Variants in MICAL3 observed in about 807,000 individuals in gnomAD.
MICAL3 encodes [F-actin]-monooxygenase MICAL3.
MICAL3 carries 62 observed loss-of-function variants against 207.4 expected under a neutral mutation model. The observed-to-expected ratio is 0.30, with a 90% CI of 0.24 to 0.37. MICAL3 has a LOEUF of 0.37. Among genes scored for constraint, MICAL3 ranks in the 10% least tolerant of loss-of-function variants. The pLI is 1.00. For missense variants in MICAL3, 2,368 were observed against 2,635.6 expected (o/e 0.90, Z 2.22); for synonymous variants, 1,077 against 1,069.3 (o/e 1.01, Z -0.14).
At chr22:17,870,240 C>T (rs1927574480) in intron 17 of MICAL3, among the ~76,000 whole-genome samples, 1 of 152,182 alleles carries the variant, frequency 6.6e-6, no homozygotes, top group Non-Finnish European at 1.5e-5. Context: ...CAGGTGCGCA[C>T]CTCTGCCCTC....
intron 16 of MICAL3, among the ~76,000 whole-genome samples, chr22:17,883,764 C>T (rs1284874110): frequency 1.3e-5 from 2 of 152,156 alleles, no homozygotes; most frequent in Admixed American, 1.3e-4. Context: ...GTAGAGAAAA[C>T]ACCAAGAAAA....
At chr22:17,833,701 G>A (rs1923055062) in intron 20 of MICAL3, among the ~76,000 whole-genome samples, 1 of 152,164 alleles carries the variant, frequency 6.6e-6, no homozygotes, top group African/African-American at 2.4e-5. Flanking sequence ...ATGTGATTAG[G>A]GTGAGGCTTT....
intron 16 of MICAL3, chr22:17,875,572 G>T: frequency 1.4e-6 from 2 of 1,476,888 alleles, no homozygotes; most frequent in Non-Finnish European, 1.8e-6. Context: ...ATACAAGATG[G>T]AGAAAAACAA....
intron 20 of MICAL3, among the ~76,000 whole-genome samples, chr22:17,837,138 C>A (rs568675999): frequency 6.6e-6 from 1 of 152,208 alleles, no homozygotes; most frequent in African/African-American, 2.4e-5. Flanking sequence ...AGGCTTTACA[C>A]GGTGGAAATG....
intron 1 of MICAL3, among the ~76,000 whole-genome samples, chr22:17,949,045 G>A (rs918753444): frequency 2.7e-5 from 4 of 149,420 alleles, no homozygotes; most frequent in African/African-American, 7.4e-5. Context: ...CCCCATCTCT[G>A]CTAAAAATAC....
rs2146033868 is a variant in MICAL3, at chr22:17,827,696, C to G, written c.3141G>C (p.Glu1047Asp). 6.3e-7 allele frequency: 1 copy of G among 1,582,874 alleles called. No individual in the cohort carries two copies. Among genetic ancestry groups the G allele is most frequent in the Middle Eastern group, 1.7e-4 (1 of 6,022 alleles). The change falls in exon 22 of 32, where the codon GAG (glutamate) becomes GAC (aspartate). Residue 1047 changes from glutamate to aspartate, a missense_variant. Coordinates refer to ENST00000441493, the MANE Select transcript of MICAL3 (RefSeq NM_015241.3). Reference sequence around the variant, plus strand: ...GCGCCATCCTCTCTTCCTCCTCTCTCTCACGGATATGAGTCCAGTGCACGT... The same window carrying G: ...GCGCCATCCTCTCTTCCTCCTCTCTGTCACGGATATGAGTCCAGTGCACGT... ...QADVHWTHIR[E>D]REEEERMAPA...
At chr22:18,022,554 G>C (rs143232530) in intron 1 of MICAL3, among the ~76,000 whole-genome samples, 1 of 151,616 alleles carries the variant, frequency 6.6e-6, no homozygotes, top group Admixed American at 6.6e-5. Context: ...TCAGCCTCCC[G>C]AGTAGCTGGG....
chr22:17,933,672 C>A (rs180769582), intron 1 of MICAL3, among the ~76,000 whole-genome samples: 42 of 152,180 alleles, frequency 2.8e-4, no homozygotes, highest in Middle Eastern at 6.8e-3. Flanking sequence ...TCAAAAAAAT[C>A]AATGAATCCA....
rs901504440 is a variant in MICAL3 at position 17,826,741 on chromosome 22, G to A, written c.3193+903C>T. On this transcript the variant is annotated intron_variant, in intron 22 of 31. Coordinates refer to ENST00000441493, the MANE Select transcript of MICAL3 (RefSeq NM_015241.3). ...GAAAACCCAAGGTAGGGCCACCGCCGGCCCAGGGCTGCAGAGCGCTCCCCA... is the reference window on the plus strand; with the variant it reads ...GAAAACCCAAGGTAGGGCCACCGCCAGCCCAGGGCTGCAGAGCGCTCCCCA... Among the ~76,000 whole-genome samples the A allele has an allele frequency of 1.3e-4, 20 of 152,306 alleles. No homozygotes were observed. In the East Asian group the frequency reaches 2.5e-3, roughly 19 times the overall value.
At chr22:17,913,895 C>T (rs148850685) in intron 1 of MICAL3, among the ~76,000 whole-genome samples, 63 of 152,250 alleles carry the variant, frequency 4.1e-4, no homozygotes, top group Middle Eastern at 3.4e-3. Context: ...CTGATGATGA[C>T]GTCAACTCAC....
chr22:17,953,554 G>A (rs2146364603), intron 1 of MICAL3, among the ~76,000 whole-genome samples: 1 of 152,234 alleles, frequency 6.6e-6, no homozygotes, highest in East Asian at 1.9e-4. Context: ...TCTGGGACAT[G>A]GGGGCTATAG....
At chr22:17,884,224 T>G (rs1602142458) in intron 16 of MICAL3, 1 of 1,315,774 alleles carries the variant, frequency 7.6e-7, no homozygotes, top group Non-Finnish European at 1.1e-6. Flanking sequence ...GGAGGAGGGG[T>G]AGGAAGGCCT....
chr22:17,803,643 G>GC (rs2061961808), intron 29 of MICAL3: 1 of 164,738 alleles, frequency 6.1e-6, no homozygotes, highest in Admixed American at 6.5e-5. Flanking sequence ...CATGTGGGCA[G>GC]CGGGGAGATC....
Position 17,826,428 on chromosome 22 carries a change from GGA to G in MICAL3, c.3193+1214_3193+1215del, listed in dbSNP as rs913668172. The stretch of plus-strand genomic sequence containing the variant: ...CCTAGAGAGAGGTTACGGTGAGTGG[GGA>G]GAGAGTGAACATCACCAGACTACCT... On this transcript the variant is annotated intron_variant, in intron 22 of 31. Coordinates refer to ENST00000441493, the MANE Select transcript of MICAL3 (RefSeq NM_015241.3). 3.0e-6 allele frequency: 3 copies of G among 983,638 alleles called. No individual in the cohort carries two copies. The South Asian group carries it at 1.4e-4, about 46-fold the overall frequency. The allele number at this position is 983,638 out of a possible 1,614,324, so 60.9% of individuals were successfully genotyped here. A position where few individuals can be genotyped will look rare whatever the true frequency, so the allele number is the denominator to read the frequency against.
Position 17,932,186 on chromosome 22 carries a change from C to T in MICAL3, c.-74-25300G>A, listed in dbSNP as rs549636543. Among the ~76,000 whole-genome samples, 11 of 152,188 alleles carry T rather than the reference C, an allele frequency of 7.2e-5. No individual in the cohort carries two copies. The East Asian group carries it at 2.1e-3, about 29-fold the overall frequency. On this transcript the variant is annotated intron_variant, in intron 1 of 31. Coordinates refer to ENST00000441493, the MANE Select transcript of MICAL3 (RefSeq NM_015241.3). ...CAAGACACATAATTGGCAGATTCAC[C>T]AAGGTTGAAATGAAGGAAAAAGTGT...
intron 17 of MICAL3, among the ~76,000 whole-genome samples, chr22:17,870,236 C>T (rs1465048033): frequency 1.3e-5 from 2 of 152,150 alleles, no homozygotes; most frequent in Non-Finnish European, 2.9e-5. Context: ...CCACCAGGTG[C>T]GCACCTCTGC....
chr22:17,906,945 A>C (rs1931766198), intron 1 of MICAL3, 59 bp from the exon 2 acceptor site: 12 of 896,854 alleles, frequency 1.3e-5, no homozygotes, highest in Non-Finnish European at 1.9e-5. Context: ...ATTCTCCAGG[A>C]GACATATTCC....
chr22:17,865,623 CCT>C (rs1308701753), intron 18 of MICAL3, among the ~76,000 whole-genome samples: 1 of 152,204 alleles, frequency 6.6e-6, no homozygotes, highest in African/African-American at 2.4e-5. Flanking sequence ...GGCAGGGTGT[CCT>C]CTCAGAAAGA....
intron 1 of MICAL3, among the ~76,000 whole-genome samples, chr22:18,011,895 AAAT>A (rs1330775324): frequency 2.7e-5 from 4 of 150,424 alleles, no homozygotes; most frequent in South Asian, 2.1e-4. Context: ...CTGTCTCAAA[AAAT>A]AATAATAATA....
Sources: allele counts gnomAD v4.1 joint callset (sites outside exome capture counted in the v4.1 genomes callset), GRCh38; gene constraint gnomAD v4.1.1; transcripts MANE v1.5; gene names NCBI Gene and HGNC (gene_info 2026-07-23, HGNC 2026-07-21).